Variants in NLGN1 observed in about 807,000 individuals in gnomAD.
The protein encoded by NLGN1 is neuroligin-1.
Under a neutral mutation model 65.5 loss-of-function variants are expected in NLGN1, and 12 were observed. The ratio of observed to expected loss-of-function variants is 0.18; its 90% confidence interval spans 0.12 to 0.30. The LOEUF is 0.30. Ranked by LOEUF, NLGN1 falls within the 10% of genes least tolerant of loss-of-function variation. The probability of loss-of-function intolerance (pLI) is 1.00; values close to 1 mark genes in which losing one functional copy is unlikely to be tolerated. For missense variants in NLGN1, 750 were observed against 1,007.1 expected, an observed-to-expected ratio of 0.74 and a Z score of 3.46; for synonymous variants, 350 against 359.5, an observed-to-expected ratio of 0.97 and a Z score of 0.30.
At chr3:173,760,045 C>T (rs754703991) in intron 3 of NLGN1, among the ~76,000 whole-genome samples, 44 of 151,926 alleles carry the variant, frequency 2.9e-4, no homozygotes, top group Non-Finnish European at 5.7e-4. Flanking sequence ...TCCTTACATT[C>T]CAAAATATAC....
At chr3:174,205,316 G>A (rs1377891125) in intron 4 of NLGN1, among the ~76,000 whole-genome samples, 1 of 151,920 alleles carries the variant, frequency 6.6e-6, no homozygotes, top group Non-Finnish European at 1.5e-5. Context: ...TTATAACATT[G>A]CAATTTTCAA....
At chr3:174,248,235 T>C (rs1744146200) in intron 4 of NLGN1, among the ~76,000 whole-genome samples, 1 of 152,196 alleles carries the variant, frequency 6.6e-6, no homozygotes, top group Non-Finnish European at 1.5e-5. Context: ...TTTGTACATA[T>C]GGCATACTGT....
Position 173,729,488 on chromosome 3 carries a change from T to G in NLGN1, c.494-78192T>G, listed in dbSNP as rs1254272537. On this transcript the variant is annotated intron_variant, in intron 3 of 6. Coordinates refer to ENST00000457714, the Ensembl canonical transcript of NLGN1. ...TCTAAAATTATTTTACCCAGGGACA[T>G]AAGTTGCGTGGATGGTTTAAAATAC... 5.3e-5 allele frequency among the ~76,000 whole-genome samples: 8 copies of G among 152,084 alleles called. No individual in the cohort carries two copies. The East Asian group carries it at 1.5e-3, about 29-fold the overall frequency.
intron 2 of NLGN1, among the ~76,000 whole-genome samples, chr3:173,487,565 A>C (rs1459397290): frequency 6.6e-6 from 1 of 151,988 alleles, no homozygotes; most frequent in Non-Finnish European, 1.5e-5. Flanking sequence ...TCTATGTTAA[A>C]ATTGTCAAAT....
chr3:173,497,198 A>G (rs1023738004), intron 2 of NLGN1, among the ~76,000 whole-genome samples: 1 of 151,826 alleles, frequency 6.6e-6, no homozygotes. Flanking sequence ...AGCCTGGCCA[A>G]TATGGCAAAA....
chr3:174,082,278 A>G (rs115741809), intron 4 of NLGN1, among the ~76,000 whole-genome samples: 2,753 of 152,154 alleles, frequency 0.018, 75 homozygotes, highest in African/African-American at 0.059. Flanking sequence ...ACTACCCAGC[A>G]CTCACTTTTG....
chr3:174,185,736 A>T lies in NLGN1; in HGVS notation c.647-89579A>T, dbSNP rs539307375. Among the ~76,000 whole-genome samples the T allele has an allele frequency of 9.2e-5, 14 of 152,192 alleles. No individual in the cohort carries two copies. In the South Asian group the frequency reaches 2.9e-3, roughly 32 times the overall value. The stretch of plus-strand genomic sequence containing the variant: ...ATAATTATTGAAAGATGAGAAGAGA[A>T]ATAGTGTGATTTGAATGTAGTCTGC... On this transcript the variant is annotated intron_variant, in intron 4 of 6. Transcript: ENST00000457714.
intron 1 of NLGN1, among the ~76,000 whole-genome samples, chr3:173,400,804 G>A (rs1717540205): frequency 6.6e-6 from 1 of 152,134 alleles, no homozygotes; most frequent in Admixed American, 6.5e-5. Flanking sequence ...CTTTATGTCT[G>A]AACATAGAGT....
intron 3 of NLGN1, among the ~76,000 whole-genome samples, chr3:173,800,788 A>AC (rs1033598142): frequency 9.2e-5 from 14 of 152,086 alleles, no homozygotes; most frequent in African/African-American, 3.4e-4. Context: ...GTTTTAAAAA[A>AC]ACACACACAC....
intron 4 of NLGN1, among the ~76,000 whole-genome samples, chr3:174,072,616 C>T (rs531210728): frequency 4.6e-5 from 7 of 152,178 alleles, no homozygotes; most frequent in East Asian, 3.9e-4. Context: ...AGGGCAGCCA[C>T]GTCTGTAAAG....
At chr3:174,143,563 T>C (rs1411564572) in intron 4 of NLGN1, among the ~76,000 whole-genome samples, 1 of 152,198 alleles carries the variant, frequency 6.6e-6, no homozygotes, top group African/African-American at 2.4e-5. Flanking sequence ...AAAAGACTTC[T>C]ATTACATGAA....
At chr3:174,173,830 T>C (rs1337853734) in intron 4 of NLGN1, among the ~76,000 whole-genome samples, 1 of 152,068 alleles carries the variant, frequency 6.6e-6, no homozygotes, top group Non-Finnish European at 1.5e-5. Flanking sequence ...TCTTTCTTTC[T>C]TTTTAATTTC....
intron 2 of NLGN1, among the ~76,000 whole-genome samples, chr3:173,594,627 T>A (rs192534167): frequency 6.6e-6 from 1 of 152,306 alleles, no homozygotes; most frequent in East Asian, 1.9e-4. Flanking sequence ...ATCCACTAGG[T>A]GTTTCCCCAG....
chr3:173,415,858 A>G (rs115791278), intron 1 of NLGN1, among the ~76,000 whole-genome samples: 1,549 of 150,748 alleles, frequency 0.01, 38 homozygotes, highest in African/African-American at 0.036. Context: ...GGAGATAAGG[A>G]GAACTCTACC....
chr3:173,627,434 G>A (rs7611474), intron 3 of NLGN1, among the ~76,000 whole-genome samples: 6,985 of 151,766 alleles, frequency 0.046, 358 homozygotes, highest in African/African-American at 0.11. Context: ...CTTTATCCAT[G>A]TGTTTCTCAA....
chr3:173,784,819 C>A (rs1273223283), intron 3 of NLGN1, among the ~76,000 whole-genome samples: 1 of 152,140 alleles, frequency 6.6e-6, no homozygotes, highest in Non-Finnish European at 1.5e-5. Context: ...AAGCACACAT[C>A]TGGCCAGAGA....
intron 3 of NLGN1, among the ~76,000 whole-genome samples, chr3:173,753,547 ACTGTTATGT>A (rs1314364930): frequency 6.6e-6 from 1 of 152,074 alleles, no homozygotes; most frequent in African/African-American, 2.4e-5. Flanking sequence ...GGATGAAACC[ACTGTTATGT>A]CTCGCCTGGA....
At chr3:173,452,035 G>A (rs921695154) in intron 2 of NLGN1, among the ~76,000 whole-genome samples, 3 of 152,104 alleles carry the variant, frequency 2.0e-5, no homozygotes, top group South Asian at 2.1e-4. Flanking sequence ...GCCCTGCTTC[G>A]GCTCACGCAC....
chr3:173,562,500 G>A (rs1304677050), intron 2 of NLGN1, among the ~76,000 whole-genome samples: 1 of 151,822 alleles, frequency 6.6e-6, no homozygotes, highest in Non-Finnish European at 1.5e-5. Context: ...CCAGGAGGCA[G>A]AGGTTGCAGT....
Sources: gnomAD v4.1 joint callset for allele counts (sites outside exome capture counted in the v4.1 genomes callset) on GRCh38, gnomAD v4.1.1 for gene constraint, MANE v1.5 for transcripts, NCBI Gene and HGNC (gene_info 2026-07-23, HGNC 2026-07-21) for gene names.